CDK14: variants seen among roughly 807,000 people sequenced by gnomAD.
CDK14 encodes cyclin dependent kinase 14.
CDK14 carries 34 observed loss-of-function variants against 60.7 expected under a neutral mutation model. The observed-to-expected ratio is 0.56, with a 90% confidence interval of 0.43 to 0.75. The LOEUF is 0.75. Ranked by LOEUF, CDK14 falls within the 30% of genes least tolerant of loss-of-function variation. CDK14 has a pLI of 0.00. For synonymous variants in CDK14, 197 were observed against 203.7 expected, an observed-to-expected ratio of 0.97 and a Z score of 0.28; for missense variants, 482 against 564.1, an observed-to-expected ratio of 0.85 and a Z score of 1.47.
chr7:90,954,520 GA>G (rs986194747), intron 8 of CDK14, among the ~76,000 whole-genome samples: 1 of 151,032 alleles, frequency 6.6e-6, no homozygotes, highest in African/African-American at 2.4e-5. Flanking sequence ...CAAATCTTGG[GA>G]AAACACTCAG....
chr7:90,667,943 G>A (rs1801019357), intron 2 of CDK14, among the ~76,000 whole-genome samples: 3 of 152,078 alleles, frequency 2.0e-5, no homozygotes, highest in Admixed American at 1.3e-4. Context: ...ATTAGTTGAC[G>A]GACATTTGGG....
intron 14 of CDK14, among the ~76,000 whole-genome samples, chr7:91,177,676 A>G (rs1204390200): frequency 6.7e-6 from 1 of 149,814 alleles, no homozygotes; most frequent in Non-Finnish European, 1.5e-5. Flanking sequence ...ACAGACAAAC[A>G]GAGAGCCAAA....
At position 91,151,120 on chromosome 7, in the gene CDK14, GT is replaced by G. The variant is rs554341614; in HGVS notation, c.*28+32913del. Among the ~76,000 whole-genome samples the G allele has an allele frequency of 2.6e-3, 389 of 152,212 alleles. 3 individuals are homozygous for G. The highest frequency in any genetic ancestry group is 3.3e-3 in the South Asian group (16 of 4,816). On this transcript the variant is annotated intron_variant, in intron 14 of 14. Transcript: ENST00000380050. Reference sequence around the variant, plus strand: ...TATTCTTAAAACTGGAGTTCCCTTGGTGGGAATACTCCCTGTGTTTCTGCTT... The same window carrying G: ...TATTCTTAAAACTGGAGTTCCCTTGGGGGAATACTCCCTGTGTTTCTGCTT...
intron 14 of CDK14, among the ~76,000 whole-genome samples, chr7:91,186,468 G>C (rs1802197206): frequency 6.6e-6 from 1 of 151,346 alleles, no homozygotes; most frequent in Non-Finnish European, 1.5e-5. Context: ...ATCCCCACCA[G>C]CAACATACAA....
At chr7:90,602,589 A>G (rs1314272158) in intron 1 of CDK14, among the ~76,000 whole-genome samples, 1 of 152,258 alleles carries the variant, frequency 6.6e-6, no homozygotes, top group Non-Finnish European at 1.5e-5. Context: ...TGCAGTCATT[A>G]GGAATTAGCT....
intron 3 of CDK14, among the ~76,000 whole-genome samples, chr7:90,737,030 G>A (rs1803143938): frequency 6.6e-6 from 1 of 152,154 alleles, no homozygotes. Context: ...GTGTTTAAGA[G>A]GTTTTTAAAT....
intron 10 of CDK14, among the ~76,000 whole-genome samples, chr7:91,042,575 A>C (rs778518468): frequency 2.6e-5 from 4 of 152,200 alleles, no homozygotes; most frequent in Non-Finnish European, 4.4e-5. Context: ...GAAACAGGAG[A>C]TGGACAAGCC....
intron 2 of CDK14, among the ~76,000 whole-genome samples, chr7:90,617,798 A>G (rs1383222458): frequency 6.6e-6 from 1 of 151,968 alleles, no homozygotes; most frequent in East Asian, 1.9e-4. Flanking sequence ...TCGGGTAGTA[A>G]TTTGTTTAGT....
intron 5 of CDK14, 102 bp downstream of exon 5, chr7:90,790,754 G>T: frequency 1.5e-6 from 1 of 658,910 alleles, no homozygotes; most frequent in Admixed American, 3.1e-5. Flanking sequence ...AAAATTACAG[G>T]ATTGTATCTT....
In CDK14 at chr7:90,987,267, G is replaced by A. The variant is rs116600502; in HGVS notation, c.1041+3026G>A. 7.8e-3 allele frequency among the ~76,000 whole-genome samples: 1,185 copies of A among 152,024 alleles called. 19 individuals carry two copies. Among genetic ancestry groups the A allele is most frequent in the African/African-American group, 0.028 (1,144 of 41,532 alleles). Reference sequence around the variant, plus strand: ...CTATGACTAGGCTTTTAATAAGTCAGATAAATAAATCATTTTAAATTTCCC... The same window carrying A: ...CTATGACTAGGCTTTTAATAAGTCAAATAAATAAATCATTTTAAATTTCCC... On this transcript the variant is annotated intron_variant, in intron 10 of 14. Transcript: ENST00000380050.
intron 4 of CDK14, among the ~76,000 whole-genome samples, chr7:90,754,807 A>G (rs957575117): frequency 1.3e-5 from 2 of 152,142 alleles, no homozygotes; most frequent in Admixed American, 1.3e-4. Context: ...AGCAAAATAC[A>G]TGAACAGAAA....
At chr7:90,735,580 T>C (rs1242823928) in intron 3 of CDK14, among the ~76,000 whole-genome samples, 1 of 152,236 alleles carries the variant, frequency 6.6e-6, no homozygotes, top group Non-Finnish European at 1.5e-5. Flanking sequence ...TGAGCTACAG[T>C]GGGCTCTGCC....
chr7:90,806,600 G>A (rs1472469784), intron 5 of CDK14, among the ~76,000 whole-genome samples: 6 of 152,200 alleles, frequency 3.9e-5, no homozygotes, highest in Admixed American at 3.9e-4. Flanking sequence ...CATCTCACTG[G>A]GAAGTGTTGG....
intron 2 of CDK14, among the ~76,000 whole-genome samples, chr7:90,634,999 A>G (rs1288918404): frequency 1.3e-5 from 2 of 152,096 alleles, no homozygotes; most frequent in Non-Finnish European, 1.5e-5. Flanking sequence ...TTTCTTGTAA[A>G]TGTGTTGGAG....
At chr7:91,079,612 GC>G (rs1798427645) in intron 12 of CDK14, 132 bp downstream of exon 12, 1 of 725,020 alleles carries the variant, frequency 1.4e-6, no homozygotes, top group Non-Finnish European at 2.4e-6. Flanking sequence ...CCATTAAACT[GC>G]TGTTAAACCT....
At chr7:91,200,352 C>T (rs1802676456) in intron 14 of CDK14, among the ~76,000 whole-genome samples, 1 of 152,092 alleles carries the variant, frequency 6.6e-6, no homozygotes, top group African/African-American at 2.4e-5. Flanking sequence ...GTTTAACAAC[C>T]TTATGTGTGA....
intron 3 of CDK14, among the ~76,000 whole-genome samples, chr7:90,733,127 C>T (rs756711513): frequency 1.3e-5 from 2 of 152,030 alleles, no homozygotes; most frequent in Non-Finnish European, 2.9e-5. Flanking sequence ...CAGGTTGTTC[C>T]GTTTCCATGT....
At chr7:91,008,133 AAAAAAAAAAAAACAAAC>A (rs1376475981) in intron 10 of CDK14, among the ~76,000 whole-genome samples, 1 of 142,792 alleles carries the variant, frequency 7.0e-6, no homozygotes, top group Non-Finnish European at 1.5e-5. Flanking sequence ...AGGCCAAAAA[AAAAAAAAAAAAACAAAC>A]AAAAAAAAAC....
chr7:90,649,346 TTCCTTCCTTCCTTCCTTCCTTTCCTTCC>T (rs1563029925), intron 2 of CDK14, among the ~76,000 whole-genome samples: 30 of 49,300 alleles, frequency 6.1e-4, no homozygotes, highest in African/African-American at 3.3e-3. Flanking sequence ...CCTTCCTTCC[TTCCTTCCTTCCTTCCTTCCTTTCCTTCC>T]TTCCTTCCTT....
Sources: allele counts gnomAD v4.1 joint callset (sites outside exome capture counted in the v4.1 genomes callset), GRCh38; gene constraint gnomAD v4.1.1; transcripts MANE v1.5; gene names NCBI Gene and HGNC (gene_info 2026-07-23, HGNC 2026-07-21).